The following TBX20 variants were observed in gnomAD, a reference collection of about 807,000 sequenced individuals.
TBX20 encodes T-box transcription factor TBX20.
Under a neutral mutation model 42.9 loss-of-function variants are expected in TBX20, and 8 were observed. That is an observed-to-expected ratio of 0.19 (90% CI 0.11 to 0.34). The LOEUF is 0.34. TBX20 is among the 10% of genes least tolerant of loss of function. TBX20 has a pLI of 1.00. For synonymous variants in TBX20, 198 were observed against 222.8 expected (o/e 0.89, Z 0.99); for missense variants, 411 against 566.0 (o/e 0.73, Z 2.78).
intron 3 of TBX20, among the ~76,000 whole-genome samples, chr7:35,246,823 A>T (rs990981173): frequency 4.6e-5 from 7 of 152,134 alleles, no homozygotes; most frequent in African/African-American, 1.7e-4. Flanking sequence ...AATAAAGAAT[A>T]GTTGCTAAAT....
intron 2 of TBX20, 121 bp from the exon 3 acceptor site, chr7:35,248,962 G>A (rs919760173): frequency 6.8e-6 from 8 of 1,171,328 alleles, no homozygotes; most frequent in Admixed American, 1.9e-5. Flanking sequence ...CTCTCTATCC[G>A]GTCCACAAAC....
chr7:35,231,049 T>G (rs1245768943), intron 6 of TBX20, among the ~76,000 whole-genome samples: 1 of 152,188 alleles, frequency 6.6e-6, no homozygotes, highest in African/African-American at 2.4e-5. Context: ...GTCTACTACA[T>G]TGGTAAAATT....
chr7:35,207,936 A>G (rs1280355321), intron 6 of TBX20, among the ~76,000 whole-genome samples: 2 of 152,044 alleles, frequency 1.3e-5, no homozygotes. Flanking sequence ...TTGCATTTCC[A>G]TATGAAATTT....
chr7:35,225,078 GA>G (rs1308379281), intron 6 of TBX20, among the ~76,000 whole-genome samples: 54 of 152,190 alleles, frequency 3.5e-4, no homozygotes, highest in African/African-American at 1.3e-3. Flanking sequence ...AATTTAACTA[GA>G]AAACACAAGA....
chr7:35,202,825 G>C, intron 7 of TBX20, 55 bp from the exon 8 acceptor site: 4 of 1,517,538 alleles, frequency 2.6e-6, no homozygotes, highest in Non-Finnish European at 3.6e-6. Context: ...TACAGATCAA[G>C]AATTAAATTA....
In TBX20 at chr7:35,249,104, G is replaced by A. The variant is rs1404414856; in HGVS notation, c.381-263C>T. Among the ~76,000 whole-genome samples, 1 of 149,198 alleles carries A rather than the reference G, an allele frequency of 6.7e-6. No individual in the cohort carries two copies. Among genetic ancestry groups the A allele is most frequent in the African/African-American group, 2.5e-5 (1 of 40,570 alleles). On this transcript the variant is annotated intron_variant, in intron 2 of 7. Transcript: ENST00000408931. This position sits in a 1 kb window ranked among gnomAD's most constrained non-coding sequence, Gnocchi z 4.3. Reference sequence around the variant, plus strand: ...AGGTGAAAAGGTGGGGGTGGGGGTGGGGGTATGTGTTAACTCCAGAAGGTC... The same window carrying A: ...AGGTGAAAAGGTGGGGGTGGGGGTGAGGGTATGTGTTAACTCCAGAAGGTC...
chr7:35,236,363 A>G (rs978738269), intron 5 of TBX20, among the ~76,000 whole-genome samples: 1 of 151,868 alleles, frequency 6.6e-6, no homozygotes, highest in African/African-American at 2.4e-5. Flanking sequence ...CCTAGTATAT[A>G]TTTACTTTAT....
chr7:35,234,131 T>A (rs1206367653), intron 5 of TBX20, among the ~76,000 whole-genome samples: 1 of 152,216 alleles, frequency 6.6e-6, no homozygotes, highest in Non-Finnish European at 1.5e-5. Context: ...TGATAAAAAA[T>A]TCATTTTGAA....
chr7:35,218,583 AT>A (rs985389642), intron 6 of TBX20, among the ~76,000 whole-genome samples: 8 of 152,022 alleles, frequency 5.3e-5, no homozygotes, highest in African/African-American at 9.6e-5. Context: ...TGTTTTTACT[AT>A]TTTTTTAATA....
chr7:35,215,071 A>C (rs1789561344), intron 6 of TBX20, among the ~76,000 whole-genome samples: 1 of 152,216 alleles, frequency 6.6e-6, no homozygotes, highest in African/African-American at 2.4e-5. Flanking sequence ...CATAACACAC[A>C]CAAGACAAAT....
intron 4 of TBX20, among the ~76,000 whole-genome samples, chr7:35,244,065 T>C (rs1790134182): frequency 6.6e-6 from 1 of 152,228 alleles, no homozygotes; most frequent in Admixed American, 6.5e-5. Context: ...TATCCAAATA[T>C]CACATGTACC....
rs186713395 is a variant in TBX20 at position 35,225,131 on chromosome 7, G to T, written c.890+6373C>A. On this transcript the variant is annotated intron_variant, in intron 6 of 7. Coordinates refer to ENST00000408931, the MANE Select transcript of TBX20 (RefSeq NM_001077653.2). ...TATTAAAACTGATTTTTTAAGTTCA[G>T]TAAAATGGCACAATGCCAGAGACAC... Among the ~76,000 whole-genome samples, 353 of 152,278 alleles carry T rather than the reference G, an allele frequency of 2.3e-3. 1 individual carries two copies. The highest frequency in any genetic ancestry group is 4.3e-3 in the Non-Finnish European group (292 of 68,026).
chr7:35,216,643 T>G (rs979093783), intron 6 of TBX20, among the ~76,000 whole-genome samples: 1 of 152,228 alleles, frequency 6.6e-6, no homozygotes, highest in African/African-American at 2.4e-5. Flanking sequence ...ATAATCATTT[T>G]AGATGAAACT....
At chr7:35,251,313 C>T (rs541645165) in intron 1 of TBX20, among the ~76,000 whole-genome samples, 11 of 152,180 alleles carry the variant, frequency 7.2e-5, no homozygotes, top group South Asian at 2.1e-4. Flanking sequence ...ATATGGGACA[C>T]GCACAGATCA....
intron 1 of TBX20, 54 bp from the exon 2 acceptor site, chr7:35,250,257 T>C: frequency 6.4e-7 from 1 of 1,557,596 alleles, no homozygotes; most frequent in South Asian, 1.1e-5. Flanking sequence ...CAAGGAAAGA[T>C]CTGGAAAGAA....
Position 35,249,888 on chromosome 7 carries a change from T to G in TBX20, c.380+63A>C. The G allele has an allele frequency of 6.5e-7, 1 of 1,532,696 alleles. No homozygotes were observed. The highest frequency in any genetic ancestry group is 1.9e-5 in the Admixed American group (1 of 51,498). The allele number at this position is 1,532,696 out of a possible 1,614,324, so 94.9% of individuals were successfully genotyped here. A position where few individuals can be genotyped will look rare whatever the true frequency, so the allele number is the denominator to read the frequency against. On this transcript the variant is annotated intron_variant, in intron 2 of 7. Transcript: ENST00000408931. The surrounding 1 kb of genome is among the most constrained non-coding windows in gnomAD (Gnocchi z 4.3). ...TCTCATCTAGTTCCTGGAAGCACCC[T>G]CAACTACCCAGGGAGTGTCCTGACT... is the stretch of plus-strand genomic sequence containing the variant.
intron 6 of TBX20, among the ~76,000 whole-genome samples, chr7:35,213,959 G>A (rs746843742): frequency 1.1e-4 from 16 of 149,980 alleles, no homozygotes; most frequent in Admixed American, 2.7e-4. Flanking sequence ...GGTGAAAAGT[G>A]GGGGAGAGAA....
chr7:35,211,410 C>A (rs1436982374), intron 6 of TBX20, among the ~76,000 whole-genome samples: 1 of 152,076 alleles, frequency 6.6e-6, no homozygotes, highest in Admixed American at 6.6e-5. Flanking sequence ...ATCTGTACTG[C>A]AGTTTCCTGG....
chr7:35,213,406 T>C (rs1381286236), intron 6 of TBX20, among the ~76,000 whole-genome samples: 2 of 152,176 alleles, frequency 1.3e-5, no homozygotes, highest in African/African-American at 4.8e-5. Context: ...AGTTTAGAAA[T>C]GGAAGATAGG....
Sources: gnomAD v4.1 joint callset for allele counts (sites outside exome capture counted in the v4.1 genomes callset) on GRCh38, gnomAD v4.1.1 for gene constraint, Gnocchi (gnomAD v3.1) non-coding constraint, MANE v1.5 for transcripts, NCBI Gene and HGNC (gene_info 2026-07-23, HGNC 2026-07-21) for gene names.